Variants in RARB observed in about 807,000 individuals in gnomAD.
The protein encoded by RARB is retinoic acid receptor beta.
In RARB, 17 loss-of-function variants were observed where a neutral mutation model predicts 51.9. That is an observed-to-expected ratio of 0.33 (90% CI 0.22 to 0.49). RARB has a LOEUF of 0.49. RARB is among the 20% of genes least tolerant of loss of function. The pLI, the probability that RARB is intolerant of heterozygous loss-of-function variation, is 0.99. For synonymous variants in RARB, 215 were observed against 195.4 expected (o/e 1.10, Z -0.84); for missense variants, 369 against 550.8 (o/e 0.67, Z 3.30).
chr3:25,233,114 T>C (rs1261949599), intron 5 of RARB, among the ~76,000 whole-genome samples: 1 of 151,474 alleles, frequency 6.6e-6, no homozygotes, highest in Non-Finnish European at 1.5e-5. Flanking sequence ...TAGCTGGAAC[T>C]ACAGGCACGT....
At chr3:25,255,428 C>T (rs1476183500) in intron 5 of RARB, among the ~76,000 whole-genome samples, 1 of 152,126 alleles carries the variant, frequency 6.6e-6, no homozygotes, top group African/African-American at 2.4e-5. Flanking sequence ...TTGTGAATTT[C>T]CTCCTCTGCC....
intron 5 of RARB, among the ~76,000 whole-genome samples, chr3:25,194,478 T>A (rs1701182420): frequency 6.7e-6 from 1 of 150,370 alleles, no homozygotes; most frequent in South Asian, 2.1e-4. Flanking sequence ...TACAGTAGTG[T>A]GTATATATAT....
At chr3:25,438,618 G>A (rs1242396018) in intron 1 of RARB, among the ~76,000 whole-genome samples, 6 of 152,084 alleles carry the variant, frequency 3.9e-5, no homozygotes, top group South Asian at 2.1e-4. Context: ...TGAATAACAC[G>A]GATTGTAAGG....
Position 25,259,972 on chromosome 3 carries a change from C to A in RARB, c.178+85397C>A, listed in dbSNP as rs1434666298. On this transcript the variant is annotated intron_variant, in intron 5 of 11. Transcript: ENST00000383772. ...AGGGGGGCAGTCAGTGTGGAGCCAA[C>A]TTCTCAGCCAGCCTTTTACTCTCCT... 27 of 985,316 alleles carry A rather than the reference C, an allele frequency of 2.7e-5. No individual in the cohort carries two copies. The East Asian group carries it at 2.5e-3, about 91-fold the overall frequency. 61.0% of individuals were successfully genotyped at this position (985,316 alleles called of 1,614,324 possible).
At chr3:25,001,494 G>A (rs1035066118) in intron 2 of RARB, among the ~76,000 whole-genome samples, 2 of 152,014 alleles carry the variant, frequency 1.3e-5, no homozygotes, top group Non-Finnish European at 2.9e-5. Context: ...AAAAATGCGG[G>A]ACTGGTGGGA....
intron 2 of RARB, among the ~76,000 whole-genome samples, chr3:24,978,554 A>G (rs1696570432): frequency 6.6e-6 from 1 of 152,098 alleles, no homozygotes; most frequent in Non-Finnish European, 1.5e-5. Context: ...AGGTGTTTAT[A>G]GTATTCTCTG....
At chr3:25,320,028 C>CTTTTTT (rs113901586) in intron 5 of RARB, among the ~76,000 whole-genome samples, 1 of 142,372 alleles carries the variant, frequency 7.0e-6, no homozygotes. Flanking sequence ...TAAGGATCAT[C>CTTTTTT]TTTTTTTTTT....
chr3:25,282,185 A>G (rs911618347), intron 5 of RARB, among the ~76,000 whole-genome samples: 1 of 152,162 alleles, frequency 6.6e-6, no homozygotes, highest in Non-Finnish European at 1.5e-5. Flanking sequence ...TACCCTACTG[A>G]CTATATCTTC....
At chr3:25,383,812 C>G (rs1706704940) in intron 5 of RARB, among the ~76,000 whole-genome samples, 1 of 151,908 alleles carries the variant, frequency 6.6e-6, no homozygotes, top group African/African-American at 2.4e-5. Context: ...CACCTGTAAT[C>G]CCAGCTACTC....
At chr3:24,983,897 T>C (rs569759773) in intron 2 of RARB, among the ~76,000 whole-genome samples, 1 of 152,134 alleles carries the variant, frequency 6.6e-6, no homozygotes, top group African/African-American at 2.4e-5. Context: ...TAAATACAAT[T>C]ACAAAAAAGA....
chr3:25,562,239 T>C (rs927509642), intron 3 of RARB, among the ~76,000 whole-genome samples: 3 of 152,202 alleles, frequency 2.0e-5, no homozygotes, highest in Non-Finnish European at 4.4e-5. Flanking sequence ...CTAAGCCTTT[T>C]TTTTTTTTCT....
chr3:25,039,925 G>C (rs1192201666), intron 2 of RARB, among the ~76,000 whole-genome samples: 2 of 152,198 alleles, frequency 1.3e-5, no homozygotes, highest in African/African-American at 4.8e-5. Context: ...TTGTGGGTTG[G>C]GATAGAAAGT....
At chr3:25,230,521 C>G (rs1702151885) in intron 5 of RARB, among the ~76,000 whole-genome samples, 1 of 151,808 alleles carries the variant, frequency 6.6e-6, no homozygotes, top group African/African-American at 2.4e-5. Context: ...TAAATTACCC[C>G]AGGTAGGTTA....
chr3:25,507,947 C>A (rs1286103256), intron 3 of RARB, among the ~76,000 whole-genome samples: 1 of 152,104 alleles, frequency 6.6e-6, no homozygotes, highest in Non-Finnish European at 1.5e-5. Context: ...TTGCTGCCAC[C>A]CCCTCATTCC....
intron 5 of RARB, among the ~76,000 whole-genome samples, chr3:25,198,372 T>C (rs1477860749): frequency 6.6e-6 from 1 of 152,024 alleles, no homozygotes; most frequent in African/African-American, 2.4e-5. Flanking sequence ...GGCAAAGATA[T>C]CTTGAGCAAT....
rs144739173 is a variant in RARB at position 25,084,184 on chromosome 3, C to A, written c.-328+24008C>A. Among the ~76,000 whole-genome samples the A allele has an allele frequency of 5.5e-4, 84 of 152,268 alleles. No homozygotes were observed. In the East Asian group the frequency reaches 0.012, roughly 22 times the overall value. On this transcript the variant is annotated intron_variant, in intron 3 of 11. Transcript: ENST00000383772. The stretch of plus-strand genomic sequence containing the variant: ...CAGCAGTTCCGTGTTCCAGTTGACT[C>A]CTCCTCTTCTCAGGGAATCTGCTGC...
rs115487761 is a variant in RARB, at chr3:25,437,383, A to T, written c.157+8495A>T. Among the ~76,000 whole-genome samples the T allele has an allele frequency of 5.6e-3, 852 of 152,226 alleles. 11 individuals carry two copies. The highest frequency in any genetic ancestry group is 0.019 in the African/African-American group (798 of 41,538). On this transcript the variant is annotated intron_variant, in intron 1 of 7. Transcript: ENST00000330688. ...GTGGCACAGTACATTTTTATTGCTCATTGATGGATTAGTTTTTGCAACGTG... is the reference window on the plus strand; with the variant it reads ...GTGGCACAGTACATTTTTATTGCTCTTTGATGGATTAGTTTTTGCAACGTG...
intron 5 of RARB, among the ~76,000 whole-genome samples, chr3:25,411,427 C>A (rs1422107440): frequency 1.3e-5 from 2 of 152,198 alleles, no homozygotes; most frequent in Admixed American, 1.3e-4. Flanking sequence ...AGATCCAGTG[C>A]ATGTTAAAAC....
At chr3:25,539,385 T>G (rs551358353) in intron 3 of RARB, among the ~76,000 whole-genome samples, 11 of 152,194 alleles carry the variant, frequency 7.2e-5, no homozygotes, top group African/African-American at 2.2e-4. Context: ...ATTCTCAATA[T>G]TTGGTCATAG....
Sources: allele counts gnomAD v4.1 joint callset (sites outside exome capture counted in the v4.1 genomes callset), GRCh38; gene constraint gnomAD v4.1.1; transcripts MANE v1.5; gene names NCBI Gene and HGNC (gene_info 2026-07-23, HGNC 2026-07-21).